Variants in DLC1 observed in about 807,000 individuals in gnomAD.
DLC1 encodes DLC1 Rho GTPase activating protein.
Under a neutral mutation model 140.3 loss-of-function variants are expected in DLC1, and 54 were observed. The observed-to-expected ratio is 0.38, with a 90% confidence interval of 0.31 to 0.48. The LOEUF is 0.48. DLC1 is among the 20% of genes least tolerant of loss of function. The pLI is 0.96. For synonymous variants in DLC1, 986 were observed against 728.1 expected (o/e 1.35, Z -5.70); for missense variants, 2,536 against 1,907.0 (o/e 1.33, Z -6.14).
intron 1 of DLC1, among the ~76,000 whole-genome samples, chr8:13,521,975 C>A (rs936028422): frequency 6.6e-6 from 1 of 152,142 alleles, no homozygotes; most frequent in African/African-American, 2.4e-5. Flanking sequence ...CCTTTTTCTT[C>A]CCAGGTGAGG....
chr8:13,219,158 A>ATGTGAATATAATTATATAATTATATC (rs374583105), intron 5 of DLC1, among the ~76,000 whole-genome samples: 1 of 45,838 alleles, frequency 2.2e-5, no homozygotes, highest in African/African-American at 1.0e-4. Flanking sequence ...ATATAATTAT[A>ATGTGAATATAATTATATAATTATATC]TGAATATAAC....
intron 14 of DLC1, among the ~76,000 whole-genome samples, chr8:13,090,965 C>G (rs1049714614): frequency 6.6e-6 from 1 of 151,756 alleles, no homozygotes; most frequent in African/African-American, 2.4e-5. Flanking sequence ...CCACCACACC[C>G]GGCTAATTTT....
Position 13,393,614 on chromosome 8 carries a change from T to G in DLC1, c.1253A>C (p.Glu418Ala), listed in dbSNP as rs1836870008. ...QTRVNLSSDT[E>A]STDLPSSTPV... is the part of the protein sequence containing the mutation. Reference sequence around the variant, plus strand: ...AGTGGAAGATGGGAGGTCCGTGGACTCAGTGTCAGAAGACAAATTTACTCG... The same window carrying G: ...AGTGGAAGATGGGAGGTCCGTGGACGCAGTGTCAGAAGACAAATTTACTCG... The change falls in exon 4 of 18, where the codon GAG becomes GCG. Residue 418 changes from glutamate to alanine, a missense_variant. By Grantham distance (107) the Glu-to-Ala change is moderately radical (BLOSUM62 -1). Transcript: ENST00000276297. 1 of 1,614,056 alleles carries G rather than the reference T, an allele frequency of 6.2e-7. No homozygotes were observed. Among genetic ancestry groups the G allele is most frequent in the Non-Finnish European group, 8.5e-7 (1 of 1,180,042 alleles).
intron 1 of DLC1, among the ~76,000 whole-genome samples, chr8:13,542,517 C>T (rs972210156): frequency 1.2e-4 from 18 of 151,944 alleles, no homozygotes; most frequent in Admixed American, 9.2e-4. Flanking sequence ...TTTGAATTTC[C>T]ATATAAATTT....
intron 5 of DLC1, among the ~76,000 whole-genome samples, chr8:13,176,979 T>A (rs1825791980): frequency 1.3e-5 from 2 of 152,170 alleles, no homozygotes; most frequent in Admixed American, 1.3e-4. Context: ...GACAGTTCTC[T>A]CCTAGAGCCT....
chr8:13,406,181 G>GTT (rs77753653), intron 2 of DLC1, among the ~76,000 whole-genome samples: 3,841 of 84,864 alleles, frequency 0.045, 483 homozygotes, highest in African/African-American at 0.17. Flanking sequence ...TAATTTTTGT[G>GTT]TTTTTTTTTT....
At chr8:13,346,295 T>A (rs1268907653) in intron 4 of DLC1, among the ~76,000 whole-genome samples, 1 of 152,206 alleles carries the variant, frequency 6.6e-6, no homozygotes, top group Admixed American at 6.5e-5. Flanking sequence ...TCAGCTAAGG[T>A]TATTAACCAT....
chr8:13,456,630 T>C (rs2117003584), intron 2 of DLC1, among the ~76,000 whole-genome samples: 1 of 152,218 alleles, frequency 6.6e-6, no homozygotes, highest in South Asian at 2.1e-4. Flanking sequence ...GGGTAATTTT[T>C]GTATTTTTAG....
Position 13,085,748 on chromosome 8 carries a change from G to C in DLC1, c.*63C>G, listed in dbSNP as rs532032252. The C allele has an allele frequency of 3.4e-5, 54 of 1,607,532 alleles. No individual in the cohort carries two copies. In the African/African-American group the frequency reaches 6.6e-4, roughly 20 times the overall value. ...ATTAGACACAGAACCCATTCTTCAA[G>C]GACTGGCAAAAGTTCTAGAAACAAA... On this transcript the variant is annotated 3_prime_UTR_variant, in exon 18 of 18. Coordinates refer to ENST00000276297, the MANE Select transcript of DLC1 (RefSeq NM_182643.3).
In DLC1 at chr8:13,092,642, T is replaced by C; in HGVS notation, c.3710A>G (p.Asn1237Ser). 1 of 1,614,058 alleles carries C rather than the reference T, an allele frequency of 6.2e-7. No homozygotes were observed. The highest frequency in any genetic ancestry group is 8.5e-7 in the Non-Finnish European group (1 of 1,180,016). The change falls in exon 13 of 18, where the codon AAC becomes AGC. Residue 1237 changes from asparagine (N) to serine (S), a missense_variant. Transcript: ENST00000276297. ...VCLAPSLFHL[N>S]TLKRENSSPR... ...AGAGGAATTCTCTCTCTTCAGGGTG[T>C]TGAGATGGAAGAGGGAAGGCGCTAA...
intron 4 of DLC1, among the ~76,000 whole-genome samples, chr8:13,366,718 T>A (rs1835496342): frequency 6.6e-6 from 1 of 152,160 alleles, no homozygotes; most frequent in Admixed American, 6.5e-5. Context: ...GGATGCCCTC[T>A]CAGGACTCAG....
chr8:13,360,879 A>AT (rs71207147), intron 4 of DLC1, among the ~76,000 whole-genome samples: 66 of 104,192 alleles, frequency 6.3e-4, no homozygotes, highest in South Asian at 2.9e-3. Flanking sequence ...TATACACATT[A>AT]TTTTTTTTTT....
chr8:13,495,674 A>G (rs1022836784), intron 2 of DLC1, among the ~76,000 whole-genome samples: 3 of 152,200 alleles, frequency 2.0e-5, no homozygotes, highest in Non-Finnish European at 4.4e-5. Flanking sequence ...TGAGACTCCT[A>G]ATAAATATAC....
At chr8:13,352,312 C>T (rs1005765564) in intron 4 of DLC1, among the ~76,000 whole-genome samples, 1 of 152,196 alleles carries the variant, frequency 6.6e-6, no homozygotes, top group East Asian at 1.9e-4. Flanking sequence ...ATCCATTCAG[C>T]TTCATAAGTG....
At chr8:13,461,324 A>G (rs1461268144) in intron 2 of DLC1, among the ~76,000 whole-genome samples, 3 of 152,236 alleles carry the variant, frequency 2.0e-5, no homozygotes, top group East Asian at 1.9e-4. Context: ...CCATTTCTTT[A>G]CATGAAAATT....
At chr8:13,117,161 A>G (rs1292364998) in intron 5 of DLC1, among the ~76,000 whole-genome samples, 1 of 152,234 alleles carries the variant, frequency 6.6e-6, no homozygotes, top group Non-Finnish European at 1.5e-5. Flanking sequence ...TACAAGCTCA[A>G]TATTTTATTT....
intron 4 of DLC1, among the ~76,000 whole-genome samples, chr8:13,376,725 T>G (rs921774): frequency 0.21 from 32,054 of 152,074 alleles, 3,893 homozygotes; most frequent in Admixed American, 0.26. Flanking sequence ...CATTTCAAAG[T>G]TTTGGAAAAG....
intron 1 of DLC1, among the ~76,000 whole-genome samples, chr8:13,532,958 T>C (rs1050872127): frequency 1.3e-5 from 2 of 152,232 alleles, no homozygotes; most frequent in African/African-American, 4.8e-5. Context: ...TAAATTTTAA[T>C]TATTTTTTAG....
At position 13,099,445 on chromosome 8, in the gene DLC1, C is replaced by T. The variant is rs768411758; in HGVS notation, c.2892G>A (p.Leu964=). 3.7e-6 allele frequency: 6 copies of T among 1,614,002 alleles called. No homozygotes were observed. In the African/African-American group the frequency reaches 4.0e-5, roughly 11 times the overall value. ...CATTCAGGGAGTTGCCTGTGCTGTC[C>T]AGGTCGCTGGGTGTGGTTCGGTCGT... ...VDNDRTTPSD[L]DSTGNSLNEP... is the part of the protein sequence containing the mutation. The change falls in exon 9 of 18, where the codon CTG becomes CTA. Residue 964 remains leucine, a synonymous_variant. Coordinates refer to ENST00000276297, the MANE Select transcript of DLC1 (RefSeq NM_182643.3).
Sources: allele counts gnomAD v4.1 joint callset (sites outside exome capture counted in the v4.1 genomes callset), GRCh38; gene constraint gnomAD v4.1.1; transcripts MANE v1.5; gene names NCBI Gene and HGNC (gene_info 2026-07-23, HGNC 2026-07-21).